The following RIN2 variants were observed in gnomAD, a reference collection of about 807,000 sequenced individuals.
RIN2 encodes the protein RAB5 interacting protein 2.
A neutral mutation model predicts 78.0 loss-of-function variants in RIN2; 36 were observed. The ratio of observed to expected loss-of-function variants is 0.46; its 90% CI spans 0.35 to 0.61. The LOEUF is 0.61. Among genes scored for constraint, RIN2 ranks in the 20% least tolerant of loss-of-function variants. RIN2 has a pLI of 0.00. For missense variants in RIN2, 1,087 were observed against 1,159.7 expected (o/e 0.94, Z 0.91); for synonymous variants, 466 against 466.8 (o/e 1.00, Z 0.02).
chr20:19,920,414 A>G (rs2039868813), intron 3 of RIN2, among the ~76,000 whole-genome samples: 1 of 152,198 alleles, frequency 6.6e-6, no homozygotes, highest in African/African-American at 2.4e-5. Flanking sequence ...GTGACTGCCA[A>G]GGTCATTGAA....
intron 2 of RIN2, among the ~76,000 whole-genome samples, chr20:19,852,339 T>C (rs1019309788): frequency 2.0e-5 from 3 of 152,192 alleles, no homozygotes; most frequent in African/African-American, 7.2e-5. Flanking sequence ...ATTAAGCTCA[T>C]GCAACTGATA....
chr20:19,847,259 GA>G (rs2036815557), intron 2 of RIN2, among the ~76,000 whole-genome samples: 4 of 152,104 alleles, frequency 2.6e-5, no homozygotes, highest in Non-Finnish European at 5.9e-5. Context: ...TTCCCTTAGT[GA>G]AAGTCCAAAG....
chr20:19,849,477 C>G (rs3950057), intron 2 of RIN2, among the ~76,000 whole-genome samples: 94,997 of 152,056 alleles, frequency 0.62, 31,584 homozygotes, highest in East Asian at 0.78. Context: ...CGACTCTGCT[C>G]CTGCTCAGCA....
intron 2 of RIN2, among the ~76,000 whole-genome samples, chr20:19,808,400 A>G (rs533681633): frequency 6.6e-6 from 1 of 152,340 alleles, no homozygotes; most frequent in South Asian, 2.1e-4. Context: ...AGGCTGTGGC[A>G]TGGCCCTGCT....
At chr20:19,764,942 T>TTTTTTTTTTTTTTC (rs2033820413) in intron 1 of RIN2, among the ~76,000 whole-genome samples, 1 of 139,536 alleles carries the variant, frequency 7.2e-6, no homozygotes, top group Non-Finnish European at 1.5e-5. Flanking sequence ...TTTTTTTTTT[T>TTTTTTTTTTTTTTC]TGACAGAGTC....
chr20:19,781,568 C>T (rs989143944), intron 1 of RIN2, among the ~76,000 whole-genome samples: 2 of 152,180 alleles, frequency 1.3e-5, no homozygotes, highest in South Asian at 2.1e-4. Context: ...GCTGGGATTA[C>T]AGGCACCCAC....
intron 2 of RIN2, among the ~76,000 whole-genome samples, chr20:19,815,199 C>T (rs779537922): frequency 6.6e-6 from 1 of 152,132 alleles, no homozygotes; most frequent in Non-Finnish European, 1.5e-5. Flanking sequence ...ATCCAACTTG[C>T]ACTTTCTTAT....
intron 3 of RIN2, among the ~76,000 whole-genome samples, chr20:19,922,476 G>GA (rs2039963884): frequency 1.3e-5 from 2 of 152,104 alleles, no homozygotes; most frequent in African/African-American, 4.8e-5. Flanking sequence ...TTTCAGATCT[G>GA]AAAAAAGCCC....
At chr20:19,773,809 G>A (rs1483988012) in intron 1 of RIN2, among the ~76,000 whole-genome samples, 1 of 151,710 alleles carries the variant, frequency 6.6e-6, no homozygotes, top group Non-Finnish European at 1.5e-5. Flanking sequence ...CAAAATGCCT[G>A]ATAATACAGT....
At chr20:19,833,137 G>A (rs564795210) in intron 2 of RIN2, among the ~76,000 whole-genome samples, 12 of 152,256 alleles carry the variant, frequency 7.9e-5, no homozygotes, top group Admixed American at 2.6e-4. Context: ...TTCCCTGTGT[G>A]GCCCCTGACA....
chr20:19,997,321 G>T (rs534061571), intron 12 of RIN2, among the ~76,000 whole-genome samples: 1 of 152,218 alleles, frequency 6.6e-6, no homozygotes, highest in Non-Finnish European at 1.5e-5. Flanking sequence ...CGTCCACGGC[G>T]CAGAGTGACC....
At chr20:19,797,682 AGAGGAAAATCTGGATTCAG>A (rs1422353307) in intron 1 of RIN2, among the ~76,000 whole-genome samples, 3 of 152,024 alleles carry the variant, frequency 2.0e-5, no homozygotes, top group Non-Finnish European at 4.4e-5. Flanking sequence ...GCAGGGGTTC[AGAGGAAAATCTGGATTCAG>A]GAGGAAAATC....
chr20:19,896,863 T>C (rs556117624), intron 3 of RIN2, among the ~76,000 whole-genome samples: 1 of 152,208 alleles, frequency 6.6e-6, no homozygotes, highest in Non-Finnish European at 1.5e-5. Context: ...ACAAGTGGAA[T>C]TAATGTTAAT....
At chr20:19,916,344 T>A (rs2039684062) in intron 3 of RIN2, among the ~76,000 whole-genome samples, 1 of 152,110 alleles carries the variant, frequency 6.6e-6, no homozygotes, top group Non-Finnish European at 1.5e-5. Flanking sequence ...GGGGGCTGGG[T>A]GTAGTGGCTC....
rs187365095 is a variant in RIN2, at chr20:19,993,451, C to A, written c.2200+1152C>A. Among the ~76,000 whole-genome samples, 70 of 152,082 alleles carry A rather than the reference C, an allele frequency of 4.6e-4. 2 individuals carry two copies. In the East Asian group the frequency reaches 0.013, roughly 28 times the overall value. ...AGTCCTGTAATGTGAATTCACCAGGCCTTAACTTTTCCTGTCGGAGGGACC... is the reference window on the plus strand; with the variant it reads ...AGTCCTGTAATGTGAATTCACCAGGACTTAACTTTTCCTGTCGGAGGGACC... On this transcript the variant is annotated intron_variant, in intron 11 of 12. Coordinates refer to ENST00000255006, the MANE Select transcript of RIN2 (RefSeq NM_018993.4).
chr20:19,971,965 A>ATCC (rs1349185679), intron 8 of RIN2, among the ~76,000 whole-genome samples: 2 of 151,962 alleles, frequency 1.3e-5, no homozygotes, highest in African/African-American at 4.8e-5. Context: ...TGGTCTCGAA[A>ATCC]TCCTGACTTT....
intron 2 of RIN2, among the ~76,000 whole-genome samples, chr20:19,888,144 G>A (rs1826724386): frequency 2.0e-5 from 3 of 152,162 alleles, no homozygotes. Context: ...AGAAACACAG[G>A]GAAGACCCCG....
chr20:19,850,669 G>C (rs940587725), intron 2 of RIN2, among the ~76,000 whole-genome samples: 1 of 152,186 alleles, frequency 6.6e-6, no homozygotes, highest in Admixed American at 6.5e-5. Context: ...ATTGTGGTTA[G>C]AAATGGCAGA....
At chr20:19,920,478 G>C (rs550444432) in intron 3 of RIN2, among the ~76,000 whole-genome samples, 6 of 152,306 alleles carry the variant, frequency 3.9e-5, no homozygotes, top group African/African-American at 1.4e-4. Context: ...GACAACTGAT[G>C]CAATAGATCA....
Sources: gnomAD v4.1 joint callset for allele counts (sites outside exome capture counted in the v4.1 genomes callset) on GRCh38, gnomAD v4.1.1 for gene constraint, MANE v1.5 for transcripts, NCBI Gene and HGNC (gene_info 2026-07-23, HGNC 2026-07-21) for gene names.